MMGT1: variants seen among roughly 807,000 people sequenced by gnomAD.
MMGT1 encodes membrane magnesium transporter 1.
MMGT1 carries 2 observed loss-of-function variants against 11.7 expected under a neutral mutation model. The observed-to-expected ratio is 0.17, with a 90% CI of 0.07 to 0.54. MMGT1 has a LOEUF of 0.54. MMGT1 is among the 20% of genes least tolerant of loss of function. The probability of loss-of-function intolerance (pLI) is 0.94; values close to 1 mark genes in which losing one functional copy is unlikely to be tolerated. For missense variants in MMGT1, 74 were observed against 109.0 expected (o/e 0.68, Z 1.43); for synonymous variants, 49 against 44.4 (o/e 1.10, Z -0.41).
At chrX:135,972,815 T>G (rs1266051787) in intron 1 of MMGT1, among the ~76,000 whole-genome samples, 1 of 112,034 alleles carries the variant, frequency 8.9e-6, no homozygotes, top group Non-Finnish European at 1.9e-5. Context: ...GCTGGTCTGT[T>G]GATCACACTG....
At position 135,973,695 on chromosome X, in the gene MMGT1, C is replaced by A. The variant is rs975796778; in HGVS notation, c.-20G>T. 1.7e-6 allele frequency: 2 copies of A among 1,167,277 alleles called. No homozygotes were observed. Among genetic ancestry groups the A allele is most frequent in the Non-Finnish European group, 2.3e-6 (2 of 873,020 alleles). On this transcript the variant is annotated 5_prime_UTR_variant, in exon 1 of 4. Transcript: ENST00000305963. ...CGCCATGATGCCGAAGGAGCAGCAG[C>A]CCAGCAAAAGAAGCGAAGGACGGCG...
rs1443821456 is a variant in MMGT1, at chrX:135,962,717, ATTTGGCCTGATT to A, written c.*2295_*2306del. 1.8e-5 allele frequency: 2 copies of A among 112,157 alleles called. No individual in the cohort carries two copies. Among genetic ancestry groups the A allele is most frequent in the African/African-American group, 3.2e-5 (1 of 30,846 alleles). The allele number at this position is 112,157 out of a possible 1,213,427, so 9.2% of individuals were successfully genotyped here. Reference sequence around the variant, plus strand: ...CACTTTGTCAATTATTTGCCAAGTCATTTGGCCTGATTTTTGGCCTGATTTTTAGCCTGATTT... The same window carrying A: ...CACTTTGTCAATTATTTGCCAAGTCATTTGGCCTGATTTTTAGCCTGATTT... On this transcript the variant is annotated 3_prime_UTR_variant, in exon 4 of 4. Coordinates refer to ENST00000305963, the MANE Select transcript of MMGT1 (RefSeq NM_173470.3).
At chrX:135,970,117 C>A (rs2089209107) in intron 2 of MMGT1, among the ~76,000 whole-genome samples, 1 of 111,827 alleles carries the variant, frequency 8.9e-6, no homozygotes, top group Non-Finnish European at 1.9e-5. Context: ...GTAATCCCAG[C>A]ACTTTGGGAG....
rs781954015 is a variant in MMGT1, at chrX:135,965,440, T to C, written c.237-257A>G. On this transcript the variant is annotated intron_variant, in intron 3 of 3. Coordinates refer to ENST00000305963, the MANE Select transcript of MMGT1 (RefSeq NM_173470.3). ...AAATAGAGATAGGGTCTCATTCTGT[T>C]GCCCAGGCTGGAGTGCAGTAGCACA... Among the ~76,000 whole-genome samples the C allele has an allele frequency of 1.5e-4, 17 of 111,958 alleles. No individual in the cohort carries two copies. The Admixed American group carries it at 1.6e-3, about 11-fold the overall frequency.
Position 135,965,072 on chromosome X carries a change from G to A in MMGT1, c.348C>T (p.Ser116=). Residue 116 remains serine (S), a synonymous_variant, in exon 4 of 4, where the codon TCC becomes TCT. Coordinates refer to ENST00000305963, the MANE Select transcript of MMGT1 (RefSeq NM_173470.3). ...TTCGTAACTTCAATGATGTGTTAGA[G>A]GACAATGCATCTTGGTTTGAAGAAT... The part of the protein sequence containing the change: ...TANSSNQDAL[S]SNTSLKLRKL... 1 of 1,209,562 alleles carries A rather than the reference G, an allele frequency of 8.3e-7. No homozygotes were observed. Among genetic ancestry groups the A allele is most frequent in the Non-Finnish European group, 1.1e-6 (1 of 893,665 alleles).
chrX:135,973,975 G>A lies in MMGT1; in HGVS notation c.-300C>T, dbSNP rs1427676652. 4 of 1,039,380 alleles carry A rather than the reference G, an allele frequency of 3.8e-6. No individual in the cohort carries two copies. Among genetic ancestry groups the A allele is most frequent in the East Asian group, 4.2e-5 (1 of 23,551 alleles). The allele number at this position is 1,039,380 out of a possible 1,213,427, so 85.7% of individuals were successfully genotyped here. On this transcript the variant is annotated 5_prime_UTR_variant, in exon 1 of 4. Coordinates refer to ENST00000305963, the MANE Select transcript of MMGT1 (RefSeq NM_173470.3). ...ACGAAGAGGCGAAAGCGGGAGCTAC[G>A]GGGAAGCGAAGAGGAAGGGCGCCGG...
rs781859090 is a variant in MMGT1, at chrX:135,962,780, A to C, written c.*2244T>G. 2 of 112,081 alleles carry C rather than the reference A, an allele frequency of 1.8e-5. No individual in the cohort carries two copies. Among genetic ancestry groups the C allele is most frequent in the Admixed American group, 1.9e-4 (2 of 10,544 alleles). 9.2% of individuals were successfully genotyped at this position (112,081 alleles called of 1,213,427 possible). The stretch of plus-strand genomic sequence containing the variant: ...TTAGCAGGACTCTTCCCGACTGAGG[A>C]GGCAAAGATTTCAACATCCATTCTA... On this transcript the variant is annotated 3_prime_UTR_variant, in exon 4 of 4. Coordinates refer to ENST00000305963, the MANE Select transcript of MMGT1 (RefSeq NM_173470.3).
chrX:135,968,819 C>T (rs908276626), intron 2 of MMGT1, among the ~76,000 whole-genome samples: 5 of 111,629 alleles, frequency 4.5e-5, no homozygotes, highest in African/African-American at 9.8e-5. Flanking sequence ...CATGAGCCAC[C>T]GTGCTCGGCC....
chrX:135,965,921 CT>C (rs1157852999), intron 3 of MMGT1, among the ~76,000 whole-genome samples: 1 of 112,149 alleles, frequency 8.9e-6, no homozygotes, highest in Non-Finnish European at 1.9e-5. Context: ...TTCCAAGAAT[CT>C]TTCAAGCACA....
chrX:135,967,743 C>A (rs1286380963), intron 2 of MMGT1, among the ~76,000 whole-genome samples: 1 of 111,846 alleles, frequency 8.9e-6, no homozygotes, highest in Admixed American at 9.5e-5. Flanking sequence ...TCACTGAGTA[C>A]TGAATGGTAC....
chrX:135,970,985 A>T (rs889053408), intron 2 of MMGT1, 73 bp downstream of exon 2: 71 of 583,727 alleles, frequency 1.2e-4, no homozygotes, highest in Middle Eastern at 4.0e-4. Context: ...AAAAACCAGT[A>T]AAAAAAAAAT....
chrX:135,969,179 A>G (rs1556612342), intron 2 of MMGT1, among the ~76,000 whole-genome samples: 1 of 99,002 alleles, frequency 1.0e-5, no homozygotes, highest in Non-Finnish European at 2.1e-5. Context: ...TGTATCTACC[A>G]CAAAAAAAAG....
Position 135,963,556 on chromosome X carries a change from G to A in MMGT1, c.*1468C>T, listed in dbSNP as rs1163361281. ...CATTAGAGAGCAGAGTCAGTGTTCC[G>A]CAGACAGACTGGGCTGGCGTAACAA... On this transcript the variant is annotated 3_prime_UTR_variant, in exon 4 of 4. Coordinates refer to ENST00000305963, the MANE Select transcript of MMGT1 (RefSeq NM_173470.3). The A allele has an allele frequency of 5.4e-5, 6 of 111,987 alleles. No individual in the cohort carries two copies. Among genetic ancestry groups the A allele is most frequent in the African/African-American group, 1.3e-4 (4 of 30,809 alleles). 9.2% of individuals were successfully genotyped at this position (111,987 alleles called of 1,213,427 possible).
At chrX:135,970,979 A>C in intron 2 of MMGT1, 79 bp downstream of exon 2, 1 of 689,477 alleles carries the variant, frequency 1.5e-6, no homozygotes, top group South Asian at 2.5e-5. Flanking sequence ...TTTACGAAAA[A>C]CCAGTAAAAA....
intron 1 of MMGT1, among the ~76,000 whole-genome samples, chrX:135,972,880 G>T (rs1408722334): frequency 9.0e-6 from 1 of 111,427 alleles, no homozygotes; most frequent in Non-Finnish European, 1.9e-5. Context: ...CCCAAAATAT[G>T]ACTGTCCCTG....
intron 2 of MMGT1, among the ~76,000 whole-genome samples, chrX:135,968,181 G>C (rs1214286495): frequency 3.6e-5 from 4 of 111,576 alleles, no homozygotes; most frequent in African/African-American, 1.3e-4. Context: ...ATAGAGTGCA[G>C]AAAGCATATG....
chrX:135,973,088 C>A (rs2089229175), intron 1 of MMGT1, among the ~76,000 whole-genome samples: 1 of 112,053 alleles, frequency 8.9e-6, no homozygotes, highest in South Asian at 3.7e-4. Context: ...CAACGTCACA[C>A]AGATGTAGCG....
At position 135,973,690 on chromosome X, in the gene MMGT1, A is replaced by G. The variant is rs2089234621; in HGVS notation, c.-15T>C. ...GACGGCGCCATGATGCCGAAGGAGC[A>G]GCAGCCCAGCAAAAGAAGCGAAGGA... On this transcript the variant is annotated 5_prime_UTR_variant, in exon 1 of 4. Transcript: ENST00000305963. 3.4e-6 allele frequency: 4 copies of G among 1,165,664 alleles called. No homozygotes were observed. The highest frequency in any genetic ancestry group is 1.8e-5 in the African/African-American group (1 of 55,734).
rs1000118806 is a variant in MMGT1 at position 135,970,638 on chromosome X, G to A, written c.132+420C>T. ...AAAGTGGAGATCACAGGCCAGGCGC[G>A]GTGGCTCACTCCTGTAATCCCAGCA... On this transcript the variant is annotated intron_variant, in intron 2 of 3. Transcript: ENST00000305963. 2.7e-5 allele frequency among the ~76,000 whole-genome samples: 3 copies of A among 110,522 alleles called. No homozygotes were observed. In the Middle Eastern group the frequency reaches 0.014, roughly 524 times the overall value.
Sources: gnomAD v4.1 joint callset for allele counts (sites outside exome capture counted in the v4.1 genomes callset) on GRCh38, gnomAD v4.1.1 for gene constraint, MANE v1.5 for transcripts, NCBI Gene and HGNC (gene_info 2026-07-23, HGNC 2026-07-21) for gene names.